Variants in TOM1 observed in about 807,000 individuals in gnomAD.
The protein encoded by TOM1 is target of Myb protein 1.
In TOM1, 38 loss-of-function variants were observed where a neutral mutation model predicts 61.3. The observed-to-expected ratio is 0.62, with a 90% confidence interval of 0.48 to 0.81. TOM1 has a LOEUF of 0.81. TOM1 is among the 40% of genes least tolerant of loss of function. TOM1 has a pLI of 0.00. For missense variants in TOM1, 591 were observed against 659.6 expected (o/e 0.90, Z 1.14); for synonymous variants, 270 against 268.8 (o/e 1.00, Z -0.04).
chr22:35,342,967 CACA>C (rs1315532687), intron 12 of TOM1, among the ~76,000 whole-genome samples: 1 of 38,574 alleles, frequency 2.6e-5, no homozygotes, highest in Non-Finnish European at 4.5e-5. Flanking sequence ...CTACACACAC[CACA>C]CCTACACACT....
intron 1 of TOM1, among the ~76,000 whole-genome samples, chr22:35,304,352 A>C (rs1926127587): frequency 6.6e-6 from 1 of 152,166 alleles, no homozygotes; most frequent in Admixed American, 6.5e-5. Flanking sequence ...CAAGGGCAGC[A>C]CCCGTAGCTG....
intron 12 of TOM1, among the ~76,000 whole-genome samples, chr22:35,339,289 C>G (rs1341960000): frequency 6.6e-6 from 1 of 152,082 alleles, no homozygotes; most frequent in African/African-American, 2.4e-5. Context: ...AGAGATTGTG[C>G]TACTGCACTC....
intron 13 of TOM1, 30 bp from the exon 14 acceptor site, chr22:35,346,900 C>T (rs1930550871): frequency 6.2e-7 from 1 of 1,610,356 alleles, no homozygotes; most frequent in Non-Finnish European, 8.5e-7. Flanking sequence ...GCCCGGCTAA[C>T]CTCTGCCTCC....
chr22:35,306,334 T>C (rs1323355330), intron 1 of TOM1, among the ~76,000 whole-genome samples: 2 of 152,148 alleles, frequency 1.3e-5, no homozygotes, highest in Non-Finnish European at 2.9e-5. Flanking sequence ...TGGGGATGCT[T>C]GAGGGTGCTT....
Position 35,323,385 on chromosome 22 carries a change from T to TAAAAA in TOM1, c.367-100_367-96dup. ...GTGGAGTGGGCAGGGCAGATGTAGT[T>TAAAAA]AAAAAAAAAAAAAAAGCAGGGAAAG... is the stretch of plus-strand genomic sequence containing the variant. On this transcript the variant is annotated intron_variant, in intron 4 of 14. Coordinates refer to ENST00000449058, the MANE Select transcript of TOM1 (RefSeq NM_005488.3). The surrounding 1 kb of genome is among the most constrained non-coding windows in gnomAD (Gnocchi z 4.2). The TAAAAA allele has an allele frequency of 7.7e-7, 1 of 1,306,060 alleles. No individual in the cohort carries two copies. Among genetic ancestry groups the TAAAAA allele is most frequent in the Admixed American group, 2.2e-5 (1 of 44,960 alleles). The allele number at this position is 1,306,060 out of a possible 1,614,324, so 80.9% of individuals were successfully genotyped here.
Position 35,346,936 on chromosome 22 carries a change from G to A in TOM1, c.1291G>A (p.Asp431Asn), listed in dbSNP as rs1930554751. The A allele has an allele frequency of 6.2e-7, 1 of 1,612,464 alleles. No homozygotes were observed. The highest frequency in any genetic ancestry group is 1.7e-5 in the Admixed American group (1 of 59,882). ...TTTCCTTCTACCTTCCCAGGGTAAT[G>A]ATGCGGAAGAGCCTAAGGGGGTCAC... is the stretch of plus-strand genomic sequence containing the variant. ...EQWLSTDVGN[D>N]AEEPKGVTSE... Residue 431 changes from aspartate to asparagine, a missense_variant, in exon 14 of 15, where the codon GAT (aspartate) becomes AAT (asparagine). By Grantham distance (23) the Asp-to-Asn change is conservative. Transcript: ENST00000449058.
chr22:35,333,389 C>T lies in TOM1; in HGVS notation c.934-15C>T. 6.2e-7 allele frequency: 1 copy of T among 1,612,318 alleles called. No homozygotes were observed. The highest frequency in any genetic ancestry group is 8.5e-7 in the Non-Finnish European group (1 of 1,178,676). On this transcript the variant is annotated splice_polypyrimidine_tract_variant and intron_variant, in intron 9 of 14. Transcript: ENST00000449058. Reference sequence around the variant, plus strand: ...CAGACAGCGGGGATGATCAGGGCATCTCCCTTCCCACCAGGCCCCAAGTGA... The same window carrying T: ...CAGACAGCGGGGATGATCAGGGCATTTCCCTTCCCACCAGGCCCCAAGTGA...
chr22:35,305,017 A>T (rs556125327), intron 1 of TOM1, among the ~76,000 whole-genome samples: 38 of 152,318 alleles, frequency 2.5e-4, no homozygotes, highest in African/African-American at 8.9e-4. Flanking sequence ...GGGAAAAGTG[A>T]AAAAGTCAGA....
Position 35,338,801 on chromosome 22 carries a change from G to T in TOM1, c.1224+13G>T. On this transcript the variant is annotated intron_variant, in intron 12 of 14. Coordinates refer to ENST00000449058, the MANE Select transcript of TOM1 (RefSeq NM_005488.3). ...GAGCACTGGCGCGGTAAGCAGAGGGGCCATCCTGCCACCCTGGGGCCCTCC... is the reference window on the plus strand; with the variant it reads ...GAGCACTGGCGCGGTAAGCAGAGGGTCCATCCTGCCACCCTGGGGCCCTCC... 1 of 1,565,958 alleles carries T rather than the reference G, an allele frequency of 6.4e-7. No individual in the cohort carries two copies. The highest frequency in any genetic ancestry group is 8.6e-7 in the Non-Finnish European group (1 of 1,159,082).
At position 35,347,122 on chromosome 22, in the gene TOM1, A is replaced by G; in HGVS notation, c.1392A>G (p.Ser464=). ...GATTGCCCAACCTCTCCAGCCCCTC[A>G]GCTGAGGGGCCCCCGGGTCCCCCAT... ...ADRLPNLSSP[S]AEGPPGPPSG... is the part of the protein sequence containing the mutation. The change falls in exon 15 of 15, where the codon TCA becomes TCG. Residue 464 remains serine, a synonymous_variant. Transcript: ENST00000449058. 4 of 1,612,892 alleles carry G rather than the reference A, an allele frequency of 2.5e-6. No homozygotes were observed. Among genetic ancestry groups the G allele is most frequent in the Non-Finnish European group, 2.5e-6 (3 of 1,179,400 alleles).
chr22:35,311,397 G>A (rs1276027182), intron 1 of TOM1, among the ~76,000 whole-genome samples: 1 of 152,242 alleles, frequency 6.6e-6, no homozygotes, highest in African/African-American at 2.4e-5. Context: ...AAGGTTGGCA[G>A]TTTCAGGGTG....
chr22:35,309,389 A>G (rs1331257070), intron 1 of TOM1, among the ~76,000 whole-genome samples: 1 of 152,162 alleles, frequency 6.6e-6, no homozygotes, highest in Non-Finnish European at 1.5e-5. Context: ...CACACCTGTA[A>G]TCCCAGCACT....
At chr22:35,325,822 G>GT (rs1307933067) in intron 6 of TOM1, among the ~76,000 whole-genome samples, 7 of 152,178 alleles carry the variant, frequency 4.6e-5, no homozygotes, top group African/African-American at 7.2e-5. Context: ...TAATTCGAGA[G>GT]TCCCCTTTTG....
rs772651151 is a variant in TOM1 at position 35,346,972 on chromosome 22, AG to A, written c.1324+4del. 1 of 1,612,748 alleles carries A rather than the reference AG, an allele frequency of 6.2e-7. No homozygotes were observed. Among genetic ancestry groups the A allele is most frequent in the Non-Finnish European group, 8.5e-7 (1 of 1,179,388 alleles). On this transcript the variant is annotated splice_donor_region_variant and intron_variant, in intron 14 of 14. Transcript: ENST00000449058. ...GCCTAAGGGGGTCACCAGCGAAGGTAGTAGTCCCCGCCCCTGCCCGCCCTCT... is the reference window on the plus strand; with the variant it reads ...GCCTAAGGGGGTCACCAGCGAAGGTATAGTCCCCGCCCCTGCCCGCCCTCT...
intron 2 of TOM1, among the ~76,000 whole-genome samples, chr22:35,318,912 G>A (rs191433176): frequency 1.1e-4 from 16 of 152,254 alleles, no homozygotes; most frequent in South Asian, 2.1e-4. Context: ...AGGGCTTTGC[G>A]TGGAGAGGCG....
intron 7 of TOM1, among the ~76,000 whole-genome samples, chr22:35,328,919 A>G (rs373378851): frequency 4.1e-4 from 62 of 152,304 alleles, no homozygotes; most frequent in African/African-American, 1.5e-3. Context: ...ATAATTGACC[A>G]ATCTTAAAAA....
At position 35,323,486 on chromosome 22, in the gene TOM1, C is replaced by A. The variant is rs772623455; in HGVS notation, c.367-10C>A. On this transcript the variant is annotated splice_polypyrimidine_tract_variant and intron_variant, in intron 4 of 14. Transcript: ENST00000449058. This position sits in a 1 kb window ranked among gnomAD's most constrained non-coding sequence, Gnocchi z 4.2. ...GTGGTTACCGGCTGTGTCCCCTTGT[C>A]CCCTCTCAGTCCTGGGCTGACGCGT... The A allele has an allele frequency of 1.1e-5, 18 of 1,613,648 alleles. No homozygotes were observed. The highest frequency in any genetic ancestry group is 1.5e-5 in the Non-Finnish European group (18 of 1,179,858).
Position 35,347,185 on chromosome 22 carries a change from T to A in TOM1, c.1455T>A (p.Asp485Glu), listed in dbSNP as rs140465923. ...PAPRKKTQEK[D>E]DDMLFAL is the part of the protein sequence containing the mutation. Reference sequence around the variant, plus strand: ...CCCGGAAGAAGACCCAGGAGAAAGATGATGACATGCTGTTTGCCTTATGAG... The same window carrying A: ...CCCGGAAGAAGACCCAGGAGAAAGAAGATGACATGCTGTTTGCCTTATGAG... The change falls in exon 15 of 15, where the codon GAT becomes GAA. Residue 485 changes from aspartate (D) to glutamate (E), a missense_variant. Physicochemically the swap from Asp to Glu is conservative, Grantham distance 45. Transcript: ENST00000449058. The A allele has an allele frequency of 1.2e-6, 2 of 1,611,974 alleles. No individual in the cohort carries two copies. Among genetic ancestry groups the A allele is most frequent in the Admixed American group, 3.4e-5 (2 of 59,508 alleles).
Position 35,327,330 on chromosome 22 carries a change from G to C in TOM1, c.708G>C (p.Glu236Asp). The change falls in exon 7 of 15, where the codon GAG (glutamate) becomes GAC (aspartate). Residue 236 changes from glutamate to aspartate, a missense_variant. Coordinates refer to ENST00000449058, the MANE Select transcript of TOM1 (RefSeq NM_005488.3). ...MVSGNVRVMS[E>D]MLTELVPTQA... ...GTGGGAACGTGAGGGTGATGTCGGA[G>C]ATGCTGACGGAGCTGGTGCCCACCC... 1 of 1,614,086 alleles carries C rather than the reference G, an allele frequency of 6.2e-7. No homozygotes were observed. The highest frequency in any genetic ancestry group is 8.5e-7 in the Non-Finnish European group (1 of 1,180,022).
Sources: allele counts gnomAD v4.1 joint callset (sites outside exome capture counted in the v4.1 genomes callset), GRCh38; gene constraint gnomAD v4.1.1; non-coding constraint Gnocchi (gnomAD v3.1); transcripts MANE v1.5; gene names NCBI Gene and HGNC (gene_info 2026-07-23, HGNC 2026-07-21).